Variants in PRELID2 observed in about 807,000 individuals in gnomAD.
PRELID2 encodes PRELI domain-containing protein 2.
Under a neutral mutation model 28.4 loss-of-function variants are expected in PRELID2, and 25 were observed. That is an observed-to-expected ratio of 0.88 (90% CI 0.64 to 1.23). PRELID2 has a LOEUF of 1.23. Among genes scored for constraint, PRELID2 ranks in the 50% most tolerant of loss-of-function variants. The pLI, the probability that PRELID2 is intolerant of heterozygous loss-of-function variation, is 0.00. For synonymous variants in PRELID2, 76 were observed against 71.6 expected (o/e 1.06, Z -0.31); for missense variants, 201 against 214.4 (o/e 0.94, Z 0.39).
the PRELID2 span, among the ~76,000 whole-genome samples, chr5:145,397,844 C>A: frequency 6.6e-6 from 1 of 152,092 alleles, no homozygotes; most frequent in Non-Finnish European, 1.5e-5. Flanking sequence ...GGAGCCAAAG[C>A]AGCAAGGATG....
downstream of PRELID2, among the ~76,000 whole-genome samples, chr5:145,755,329 A>T (rs1203096268): frequency 6.6e-6 from 1 of 152,214 alleles, no homozygotes; most frequent in Non-Finnish European, 1.5e-5. Flanking sequence ...GCAGAAAGAC[A>T]CACAGGAAAG....
chr5:145,547,121 C>T (rs1752794500), intron 1 of PRELID2, among the ~76,000 whole-genome samples: 1 of 152,114 alleles, frequency 6.6e-6, no homozygotes, highest in South Asian at 2.1e-4. Context: ...TTTCTTTGCT[C>T]TAGGTTCTCA....
Position 145,537,821 on chromosome 5 carries a change from G to A in PRELID2, n.71-64506C>T, listed in dbSNP as rs1264850418. Among the ~76,000 whole-genome samples the A allele has an allele frequency of 2.6e-5, 4 of 151,594 alleles. No individual in the cohort carries two copies. The South Asian group carries it at 8.3e-4, about 31-fold the overall frequency. On this transcript the variant is annotated intron_variant and non_coding_transcript_variant, in intron 1 of 2. Transcript: ENST00000510259. ...AATTCTGTTAATAGTTTTCTTTGCT[G>A]TGCAAAACCTTTTTAGTTTGATGTA...
chr5:145,793,891 T>C (rs1275381981), intron 5 of PRELID2, among the ~76,000 whole-genome samples: 1 of 152,014 alleles, frequency 6.6e-6, no homozygotes, highest in Non-Finnish European at 1.5e-5. Flanking sequence ...TTGGGGAGTA[T>C]ATATCCGCCC....
At chr5:145,833,321 T>C (rs182968118) in intron 1 of PRELID2, among the ~76,000 whole-genome samples, 73 of 152,274 alleles carry the variant, frequency 4.8e-4, no homozygotes, top group Admixed American at 4.6e-3. Context: ...CCCTGTGAGT[T>C]CTGAGAAGGT....
At chr5:145,720,610 A>G (rs1034719678) in intron 1 of PRELID2, among the ~76,000 whole-genome samples, 1 of 152,092 alleles carries the variant, frequency 6.6e-6, no homozygotes, top group Non-Finnish European at 1.5e-5. Flanking sequence ...TCTTGAAGAA[A>G]CTACTAAAGG....
chr5:145,375,270 G>C, the PRELID2 span, among the ~76,000 whole-genome samples: 2 of 152,090 alleles, frequency 1.3e-5, no homozygotes, highest in South Asian at 4.2e-4. Flanking sequence ...TTCACTTCAG[G>C]ACCTCTTCAT....
chr5:145,587,179 C>T (rs1462726262), intron 1 of PRELID2, among the ~76,000 whole-genome samples: 1 of 152,144 alleles, frequency 6.6e-6, no homozygotes, highest in Non-Finnish European at 1.5e-5. Context: ...GCCTTATCAC[C>T]ATTCATTATC....
chr5:145,337,459 T>C, the PRELID2 span, among the ~76,000 whole-genome samples: 1 of 151,470 alleles, frequency 6.6e-6, no homozygotes. Flanking sequence ...GTTAAGGACT[T>C]AATCCCACTA....
At chr5:145,434,003 G>A in the PRELID2 span, among the ~76,000 whole-genome samples, 2 of 152,276 alleles carry the variant, frequency 1.3e-5, no homozygotes, top group East Asian at 3.9e-4. Flanking sequence ...TTAATAAGGA[G>A]GGGAGGCATA....
chr5:145,461,171 C>A, the PRELID2 span, among the ~76,000 whole-genome samples: 83 of 152,260 alleles, frequency 5.5e-4, no homozygotes, highest in African/African-American at 1.9e-3. Context: ...TAGGTTTACC[C>A]TTTCTTTTAT....
intron 1 of PRELID2, among the ~76,000 whole-genome samples, chr5:145,724,600 AATATATATAT>A (rs59677300): frequency 0.021 from 515 of 24,690 alleles, 12 homozygotes; most frequent in South Asian, 0.091. Flanking sequence ...GAAGTAAATA[AATATATATAT>A]ATATATATAT....
intron 1 of PRELID2, among the ~76,000 whole-genome samples, chr5:145,604,278 T>C (rs1307052575): frequency 6.6e-6 from 1 of 152,098 alleles, no homozygotes; most frequent in Admixed American, 6.6e-5. Context: ...CTAGTGTCTG[T>C]TGTTCCTTTC....
At chr5:145,357,822 A>T in the PRELID2 span, among the ~76,000 whole-genome samples, 1 of 151,682 alleles carries the variant, frequency 6.6e-6, no homozygotes, top group Admixed American at 6.6e-5. Flanking sequence ...AAACACTCTG[A>T]CTTTTTGAGT....
At chr5:145,481,168 G>A (rs1752156106) in intron 1 of PRELID2, among the ~76,000 whole-genome samples, 1 of 152,128 alleles carries the variant, frequency 6.6e-6, no homozygotes. Context: ...CAATTAGTAT[G>A]AATTCCTCTT....
At chr5:145,413,526 T>G in the PRELID2 span, among the ~76,000 whole-genome samples, 8 of 152,062 alleles carry the variant, frequency 5.3e-5, no homozygotes, top group Admixed American at 5.2e-4. Context: ...TACTTTCATA[T>G]GCATGTTGAT....
chr5:145,697,036 TATATA>T (rs1561547529), intron 1 of PRELID2, among the ~76,000 whole-genome samples: 24 of 11,142 alleles, frequency 2.2e-3, no homozygotes, highest in African/African-American at 4.7e-3. Flanking sequence ...AGGAAAATTA[TATATA>T]TATATATATA....
intron 6 of PRELID2, among the ~76,000 whole-genome samples, chr5:145,760,764 T>G (rs2149762807): frequency 6.6e-6 from 1 of 152,326 alleles, no homozygotes; most frequent in Non-Finnish European, 1.5e-5. Context: ...TAGCTAAAAT[T>G]GAGGTCTTAA....
At chr5:145,686,047 A>C (rs1275654091) in intron 1 of PRELID2, among the ~76,000 whole-genome samples, 1 of 152,122 alleles carries the variant, frequency 6.6e-6, no homozygotes, top group African/African-American at 2.4e-5. Context: ...TAAATTCTTC[A>C]CCAAATCAAG....
Sources: allele counts gnomAD v4.1 joint callset (sites outside exome capture counted in the v4.1 genomes callset), GRCh38; gene constraint gnomAD v4.1.1; transcripts MANE v1.5; gene names NCBI Gene and HGNC (gene_info 2026-07-23, HGNC 2026-07-21).